SSPN: variants seen among roughly 807,000 people sequenced by gnomAD.
SSPN encodes sarcospan.
A neutral mutation model predicts 19.1 loss-of-function variants in SSPN; 15 were observed. That is an observed-to-expected ratio of 0.78 (90% CI 0.52 to 1.21). The LOEUF is 1.21. SSPN is among the 50% of genes most tolerant of loss of function. SSPN has a pLI of 0.00. For synonymous variants in SSPN, 147 were observed against 140.3 expected (o/e 1.05, Z -0.34); for missense variants, 291 against 314.0 (o/e 0.93, Z 0.55).
At position 26,228,653 on chromosome 12, in the gene SSPN, TAC is replaced by T. The variant is rs71435694; in HGVS notation, c.367-2038_367-2037del. On this transcript the variant is annotated intron_variant, in intron 2 of 2. Transcript: ENST00000242729. ...GTACTGGGAATACAGCTACGATGGG[TAC>T]ACACACACACACACACACAGAACAT... Among the ~76,000 whole-genome samples the T allele has an allele frequency of 2.0e-3, 293 of 149,082 alleles. 1 individual carries two copies. Among genetic ancestry groups the T allele is most frequent in the African/African-American group, 6.1e-3 (248 of 40,668 alleles).
upstream of SSPN, among the ~76,000 whole-genome samples, chr12:26,190,430 G>A (rs1322746973): frequency 1.3e-5 from 2 of 152,188 alleles, no homozygotes; most frequent in African/African-American, 4.8e-5. Flanking sequence ...AGATCTTCCT[G>A]CTTCAGCTAA....
At chr12:26,198,857 A>C (rs1172427164) in intron 1 of SSPN, among the ~76,000 whole-genome samples, 1 of 152,130 alleles carries the variant, frequency 6.6e-6, no homozygotes. Flanking sequence ...CAGGGCTGGT[A>C]TATCCTGCCG....
chr12:26,229,242 A>AG (rs1294002201), intron 2 of SSPN, among the ~76,000 whole-genome samples: 1 of 152,092 alleles, frequency 6.6e-6, no homozygotes, highest in African/African-American at 2.4e-5. Flanking sequence ...TTAAGAAAAA[A>AG]ATGGCTTTAA....
chr12:26,142,007 A>G (rs1340087179), intron 1 of SSPN, among the ~76,000 whole-genome samples: 1 of 152,198 alleles, frequency 6.6e-6, no homozygotes, highest in Non-Finnish European at 1.5e-5. Context: ...AGAAAGTAGG[A>G]AAGCAAAAGC....
chr12:26,212,166 A>G (rs536724574), intron 1 of SSPN, among the ~76,000 whole-genome samples: 2 of 152,308 alleles, frequency 1.3e-5, no homozygotes, highest in African/African-American at 4.8e-5. Flanking sequence ...TAATTTAATT[A>G]ATTAGCATTT....
chr12:26,182,766 CT>C (rs68001290), intron 1 of SSPN, among the ~76,000 whole-genome samples: 88,889 of 131,460 alleles, frequency 0.68, 29,700 homozygotes, highest in East Asian at 0.76. Flanking sequence ...AAAGTACATA[CT>C]TTTTTTTTTT....
chr12:26,212,562 A>G (rs921092574), intron 1 of SSPN, among the ~76,000 whole-genome samples: 7 of 152,120 alleles, frequency 4.6e-5, no homozygotes, highest in African/African-American at 1.7e-4. Context: ...TCGAAACCCA[A>G]ACCCCTCGTG....
At chr12:26,214,909 G>A (rs1352496200) in intron 1 of SSPN, 1 of 151,926 alleles carries the variant, frequency 6.6e-6, no homozygotes, top group African/African-American at 2.4e-5. Flanking sequence ...AAAACACATT[G>A]GGGGAAGCTG....
intron 1 of SSPN, among the ~76,000 whole-genome samples, chr12:26,179,432 G>T (rs1944704543): frequency 6.6e-6 from 1 of 152,132 alleles, no homozygotes; most frequent in African/African-American, 2.4e-5. Context: ...CTGGGGACAG[G>T]AGCCAGGCAC....
chr12:26,162,031 G>T (rs1032348765), intron 1 of SSPN, among the ~76,000 whole-genome samples: 1 of 152,040 alleles, frequency 6.6e-6, no homozygotes, highest in Non-Finnish European at 1.5e-5. Flanking sequence ...CACTTAATAG[G>T]TACCTAGTCC....
At chr12:26,129,537 A>G (rs920732638) in intron 1 of SSPN, among the ~76,000 whole-genome samples, 6 of 152,202 alleles carry the variant, frequency 3.9e-5, no homozygotes, top group Non-Finnish European at 5.9e-5. Flanking sequence ...TATGACTTTA[A>G]AATATTGATG....
chr12:26,147,744 T>G (rs1024985915), intron 1 of SSPN, among the ~76,000 whole-genome samples: 1 of 152,214 alleles, frequency 6.6e-6, no homozygotes, highest in African/African-American at 2.4e-5. Flanking sequence ...GAGCAAGTGC[T>G]TGCTTTTCAA....
At chr12:26,207,426 G>T (rs535104347) in intron 1 of SSPN, among the ~76,000 whole-genome samples, 164 of 152,072 alleles carry the variant, frequency 1.1e-3, no homozygotes, top group Non-Finnish European at 2.0e-3. Flanking sequence ...ACATTACATT[G>T]TATTGAAGTC....
At chr12:26,122,250 G>T in intron 1 of SSPN, 1 of 1,273,542 alleles carries the variant, frequency 7.9e-7, no homozygotes, top group Non-Finnish European at 9.9e-7. Flanking sequence ...CTTCTCGGGA[G>T]GGGGCGACAA....
chr12:26,223,267 A>G (rs890747319), intron 1 of SSPN, among the ~76,000 whole-genome samples: 8 of 152,106 alleles, frequency 5.3e-5, no homozygotes, highest in Admixed American at 3.9e-4. Flanking sequence ...CTGGAGTGCA[A>G]TGGCACAATC....
At position 26,231,112 on chromosome 12, in the gene SSPN, T is replaced by C. The variant is rs978927164; in HGVS notation, c.*36T>C. The C allele has an allele frequency of 6.4e-7, 1 of 1,566,744 alleles. No individual in the cohort carries two copies. The highest frequency in any genetic ancestry group is 8.6e-7 in the Non-Finnish European group (1 of 1,156,646). ...CAAAGTTGCGAGAGAAAGTAGCACATGGAGTAGCTGAGGTTAAACAAACAA... is the reference window on the plus strand; with the variant it reads ...CAAAGTTGCGAGAGAAAGTAGCACACGGAGTAGCTGAGGTTAAACAAACAA... On this transcript the variant is annotated 3_prime_UTR_variant, in exon 3 of 3. Transcript: ENST00000242729.
upstream of SSPN, among the ~76,000 whole-genome samples, chr12:26,191,654 AT>A (rs1386576620): frequency 1.3e-5 from 2 of 151,704 alleles, no homozygotes; most frequent in African/African-American, 2.4e-5. Context: ...AATAAAAAAA[AT>A]AGGAGTTGCT....
At chr12:26,230,593 C>A in intron 2 of SSPN, 118 bp from the exon 3 acceptor site, 1 of 1,194,532 alleles carries the variant, frequency 8.4e-7, no homozygotes, top group Non-Finnish European at 1.1e-6. Context: ...GAAGAGACAG[C>A]CTTTCCATCA....
At chr12:26,201,048 A>ATATATATATATATATATATATATATAT (rs1944880110) in intron 1 of SSPN, among the ~76,000 whole-genome samples, 6 of 68,332 alleles carry the variant, frequency 8.8e-5, no homozygotes, top group African/African-American at 3.8e-4. Context: ...TATATATATT[A>ATATATATATATATATATATATATATAT]TATATATATA....
Sources: allele counts gnomAD v4.1 joint callset (sites outside exome capture counted in the v4.1 genomes callset), GRCh38; gene constraint gnomAD v4.1.1; transcripts MANE v1.5; gene names NCBI Gene and HGNC (gene_info 2026-07-23, HGNC 2026-07-21).